Variants in NRF1 observed in about 807,000 individuals in gnomAD.
The protein encoded by NRF1 is alpha palindromic-binding protein.
In NRF1, 5 loss-of-function variants were observed where a neutral mutation model predicts 58.5. The observed-to-expected ratio is 0.09, with a 90% CI of 0.04 to 0.18. The LOEUF (loss-of-function observed/expected upper bound fraction) is 0.18, where lower values mean the gene tolerates loss of function less well. Among genes scored for constraint, NRF1 ranks in the 10% least tolerant of loss-of-function variants. The pLI is 1.00. For missense variants in NRF1, 288 were observed against 657.7 expected (o/e 0.44, Z 6.15); for synonymous variants, 224 against 246.7 (o/e 0.91, Z 0.86).
intron 1 of NRF1, among the ~76,000 whole-genome samples, chr7:129,619,646 GTC>G (rs1217904196): frequency 6.7e-6 from 1 of 149,054 alleles, no homozygotes; most frequent in African/African-American, 2.5e-5. Flanking sequence ...GTTCTTCCAT[GTC>G]TCTCTGCAAT....
chr7:129,660,302 C>G (rs138358003), intron 2 of NRF1, among the ~76,000 whole-genome samples: 3,755 of 147,446 alleles, frequency 0.025, 81 homozygotes, highest in Middle Eastern at 0.079. Context: ...TGGCCCCTCC[C>G]AAATTTCATG....
chr7:129,722,130 C>T (rs997285950), intron 9 of NRF1, among the ~76,000 whole-genome samples: 1 of 152,150 alleles, frequency 6.6e-6, no homozygotes, highest in Non-Finnish European at 1.5e-5. Context: ...CGTGGTGGCT[C>T]ACGCCTGTAA....
intron 10 of NRF1, among the ~76,000 whole-genome samples, chr7:129,736,279 T>C (rs1243227562): frequency 6.8e-6 from 1 of 147,072 alleles, no homozygotes; most frequent in Non-Finnish European, 1.5e-5. Context: ...ATAGAATTTT[T>C]TTTTTTTTTT....
intron 2 of NRF1, among the ~76,000 whole-genome samples, chr7:129,658,596 GAAA>G (rs35139001): frequency 2.7e-5 from 3 of 112,348 alleles, no homozygotes; most frequent in Admixed American, 8.9e-5. Flanking sequence ...GTGTCCAGTT[GAAA>G]AAAAAAAAAA....
intron 10 of NRF1, 35 bp downstream of exon 10, chr7:129,727,400 CCT>C (rs1803474334): frequency 4.5e-6 from 7 of 1,561,026 alleles, no homozygotes; most frequent in African/African-American, 1.4e-5. Flanking sequence ...AAATTTCTTC[CCT>C]GTTTCCACTT....
At chr7:129,670,056 C>CT (rs1339659279) in intron 2 of NRF1, among the ~76,000 whole-genome samples, 4 of 152,162 alleles carry the variant, frequency 2.6e-5, no homozygotes, top group Non-Finnish European at 5.9e-5. Flanking sequence ...ATGGTTCAAC[C>CT]TTGGGGACAT....
At chr7:129,739,535 TG>T (rs1453296893) in intron 10 of NRF1, among the ~76,000 whole-genome samples, 1 of 135,460 alleles carries the variant, frequency 7.4e-6, no homozygotes, top group Non-Finnish European at 1.6e-5. Flanking sequence ...AGCATGGCTT[TG>T]CTTTTAAAAA....
chr7:129,673,504 C>T (rs979253540), intron 3 of NRF1, among the ~76,000 whole-genome samples: 7 of 151,760 alleles, frequency 4.6e-5, no homozygotes, highest in Non-Finnish European at 7.4e-5. Context: ...CCGAGGCGGG[C>T]GGATCACGAG....
At chr7:129,654,020 G>A (rs1239264160) in intron 1 of NRF1, among the ~76,000 whole-genome samples, 1 of 152,198 alleles carries the variant, frequency 6.6e-6, no homozygotes, top group Non-Finnish European at 1.5e-5. Context: ...TATGGTAAGA[G>A]TATGTTTAAT....
intron 5 of NRF1, among the ~76,000 whole-genome samples, chr7:129,702,879 C>G (rs1310876922): frequency 6.6e-6 from 1 of 152,086 alleles, no homozygotes; most frequent in Admixed American, 6.6e-5. Flanking sequence ...AAATGGACAT[C>G]AGGAGCCTCA....
At chr7:129,749,630 G>A (rs905745275) in intron 10 of NRF1, among the ~76,000 whole-genome samples, 2 of 152,040 alleles carry the variant, frequency 1.3e-5, no homozygotes, top group Non-Finnish European at 2.9e-5. Flanking sequence ...CATGAAGCTT[G>A]AGAAGAAAAG....
intron 2 of NRF1, among the ~76,000 whole-genome samples, chr7:129,671,012 A>G (rs1432348343): frequency 6.8e-6 from 1 of 147,626 alleles, no homozygotes; most frequent in East Asian, 1.9e-4. Context: ...TAATGGAAAC[A>G]GGGGTACAGG....
At chr7:129,651,007 C>T (rs1432417761) in intron 1 of NRF1, among the ~76,000 whole-genome samples, 1 of 152,132 alleles carries the variant, frequency 6.6e-6, no homozygotes, top group Non-Finnish European at 1.5e-5. Flanking sequence ...TGGCATTAAC[C>T]AACCTGCTTC....
intron 1 of NRF1, among the ~76,000 whole-genome samples, chr7:129,632,493 A>G (rs1455384420): frequency 6.6e-6 from 1 of 152,122 alleles, no homozygotes. Context: ...AGTAATAAAA[A>G]TCACAGTTAT....
intron 1 of NRF1, among the ~76,000 whole-genome samples, chr7:129,635,126 C>T (rs1687236446): frequency 1.3e-5 from 2 of 151,940 alleles, no homozygotes; most frequent in Non-Finnish European, 1.5e-5. Flanking sequence ...GGTCTCTAGG[C>T]GGTTGGGGAT....
intron 3 of NRF1, among the ~76,000 whole-genome samples, chr7:129,676,975 T>TAATA (rs1001861209): frequency 6.7e-6 from 1 of 150,154 alleles, no homozygotes; most frequent in African/African-American, 2.4e-5. Flanking sequence ...GGAGATGATA[T>TAATA]AATAAATTCT....
intron 2 of NRF1, among the ~76,000 whole-genome samples, chr7:129,659,213 G>A (rs945646328): frequency 1.5e-4 from 22 of 151,426 alleles, no homozygotes; most frequent in African/African-American, 4.1e-4. Flanking sequence ...CGAGTAGCTG[G>A]GATTACAGGT....
intron 2 of NRF1, among the ~76,000 whole-genome samples, chr7:129,667,307 G>A (rs1302094242): frequency 6.6e-6 from 1 of 152,132 alleles, no homozygotes; most frequent in East Asian, 1.9e-4. Context: ...CTCAGTGTTG[G>A]TTTAATTTGT....
rs11426755 is a variant in NRF1 at position 129,699,975 on chromosome 7, T to TAA, written c.607-9086_607-9085dup. Among the ~76,000 whole-genome samples the TAA allele has an allele frequency of 2.9e-3, 421 of 143,036 alleles. 2 individuals are homozygous for TAA. Among genetic ancestry groups the TAA allele is most frequent in the Admixed American group, 8.6e-3 (122 of 14,260 alleles). The allele number at this position is 143,036 out of a possible 152,430, so 93.8% of individuals were successfully genotyped here. A position where few individuals can be genotyped will look rare whatever the true frequency, so the allele number is the denominator to read the frequency against. On this transcript the variant is annotated intron_variant, in intron 5 of 10. Coordinates refer to ENST00000393232, the MANE Select transcript of NRF1 (RefSeq NM_005011.5). The stretch of plus-strand genomic sequence containing the variant: ...CAACATAGTGAAACCCCGTCTCCAC[T>TAA]AAAAAAAAAAAAAAATTTAGCCGGG...
Sources: allele counts gnomAD v4.1 joint callset (sites outside exome capture counted in the v4.1 genomes callset), GRCh38; gene constraint gnomAD v4.1.1; transcripts MANE v1.5; gene names NCBI Gene and HGNC (gene_info 2026-07-23, HGNC 2026-07-21).